The following PRKN variants were observed in gnomAD, a reference collection of about 807,000 sequenced individuals.
PRKN encodes E3 ubiquitin-protein ligase parkin.
Under a neutral mutation model 59.5 loss-of-function variants are expected in PRKN, and 56 were observed. The observed-to-expected ratio is 0.94, with a 90% CI of 0.76 to 1.18. PRKN has a LOEUF of 1.18. Ranked by LOEUF, PRKN falls within the 50% of genes most tolerant of loss-of-function variation. The probability of loss-of-function intolerance (pLI) is 0.00; values close to 1 mark genes in which losing one functional copy is unlikely to be tolerated. For missense variants in PRKN, 657 were observed against 596.4 expected (o/e 1.10, Z -1.06); for synonymous variants, 250 against 222.1 (o/e 1.13, Z -1.12).
intron 9 of PRKN, among the ~76,000 whole-genome samples, chr6:161,411,543 C>A (rs1201403780): frequency 6.6e-6 from 1 of 152,126 alleles, no homozygotes; most frequent in Non-Finnish European, 1.5e-5. Context: ...GGGGCCATGG[C>A]GACAGGGATG....
intron 4 of PRKN, among the ~76,000 whole-genome samples, chr6:162,150,489 G>A (rs993217430): frequency 6.6e-6 from 1 of 152,156 alleles, no homozygotes; most frequent in Non-Finnish European, 1.5e-5. Flanking sequence ...GGCAGGATTC[G>A]TCTCAGGTGA....
rs57551959 is a variant in PRKN at position 161,554,403 on chromosome 6, T to TACAC, written c.934-5404_934-5401dup. 0.58 allele frequency among the ~76,000 whole-genome samples: 84,343 copies of TACAC among 146,662 alleles called. 24,339 individuals are homozygous for TACAC. Among genetic ancestry groups the TACAC allele is most frequent in the Admixed American group, 0.67 (9,733 of 14,602 alleles). Reference sequence around the variant, plus strand: ...TAACCTTCATGTTATCTTACTTCTATACACACACACACACACACACACACA... The same window carrying TACAC: ...TAACCTTCATGTTATCTTACTTCTATACACACACACACACACACACACACACACA... On this transcript the variant is annotated intron_variant, in intron 8 of 11. Coordinates refer to ENST00000366898, the MANE Select transcript of PRKN (RefSeq NM_004562.3). The surrounding 1 kb of genome is among the most constrained non-coding windows in gnomAD (Gnocchi z 4.5).
intron 1 of PRKN, among the ~76,000 whole-genome samples, chr6:162,498,207 G>A (rs1300993398): frequency 6.6e-6 from 1 of 151,864 alleles, no homozygotes; most frequent in Non-Finnish European, 1.5e-5. Flanking sequence ...ACTCTACCTG[G>A]TGTTCAGTCT....
At chr6:162,305,633 T>G (rs767757722) in intron 2 of PRKN, among the ~76,000 whole-genome samples, 123 of 152,222 alleles carry the variant, frequency 8.1e-4, no homozygotes, top group Non-Finnish European at 1.2e-3. Context: ...AAGAAAAATG[T>G]TTTGGTTTTT....
intron 3 of PRKN, among the ~76,000 whole-genome samples, chr6:162,232,869 A>G (rs1183618758): frequency 6.6e-6 from 1 of 152,202 alleles, no homozygotes; most frequent in Non-Finnish European, 1.5e-5. Flanking sequence ...TAATTAATAC[A>G]GATTGGAGAA....
intron 4 of PRKN, among the ~76,000 whole-genome samples, chr6:162,133,306 C>T (rs904685731): frequency 2.6e-5 from 4 of 152,126 alleles, no homozygotes; most frequent in African/African-American, 7.2e-5. Flanking sequence ...CTGGAGGTAG[C>T]GTCAGCAACG....
intron 6 of PRKN, among the ~76,000 whole-genome samples, chr6:161,826,398 T>C (rs1228062372): frequency 6.6e-6 from 1 of 152,220 alleles, no homozygotes; most frequent in Non-Finnish European, 1.5e-5. Flanking sequence ...CAAAATACAA[T>C]ACATGCATCT....
chr6:162,563,354 G>C (rs1281487003), intron 1 of PRKN, among the ~76,000 whole-genome samples: 1 of 151,628 alleles, frequency 6.6e-6, no homozygotes, highest in Non-Finnish European at 1.5e-5. Context: ...AGCAAGAGAA[G>C]AGAACAAGAC....
chr6:161,375,247 G>A (rs976246007), intron 10 of PRKN, among the ~76,000 whole-genome samples: 2 of 152,202 alleles, frequency 1.3e-5, no homozygotes, highest in African/African-American at 4.8e-5. Flanking sequence ...AGGGAAGTGC[G>A]TTGCAGAGCC....
At chr6:161,605,279 A>G (rs1782236769) in intron 7 of PRKN, among the ~76,000 whole-genome samples, 1 of 152,190 alleles carries the variant, frequency 6.6e-6, no homozygotes. Flanking sequence ...TTGTGAGAAA[A>G]CATATATACA....
At chr6:162,571,726 A>C (rs965785106) in intron 1 of PRKN, among the ~76,000 whole-genome samples, 4 of 152,150 alleles carry the variant, frequency 2.6e-5, no homozygotes, top group African/African-American at 9.7e-5. Flanking sequence ...CTTCAGGGAG[A>C]AGCCTGGCAT....
At chr6:162,263,996 G>A (rs926631552) in intron 2 of PRKN, among the ~76,000 whole-genome samples, 3 of 151,916 alleles carry the variant, frequency 2.0e-5, no homozygotes, top group Admixed American at 6.6e-5. Flanking sequence ...CGATGTGGCC[G>A]GCCGCAGTGG....
chr6:161,892,145 A>T (rs113153781), intron 6 of PRKN, among the ~76,000 whole-genome samples: 1,783 of 152,262 alleles, frequency 0.012, 44 homozygotes, highest in African/African-American at 0.041. Flanking sequence ...ATATTCTTAA[A>T]ATAATGGGCT....
chr6:161,437,800 A>T (rs1355794735), intron 9 of PRKN, among the ~76,000 whole-genome samples: 5 of 152,368 alleles, frequency 3.3e-5, no homozygotes, highest in Admixed American at 6.5e-5. Context: ...AGTCTGTGAC[A>T]TGCAGAAAAT....
At chr6:162,651,178 A>C (rs1208580571) in intron 1 of PRKN, among the ~76,000 whole-genome samples, 1 of 152,112 alleles carries the variant, frequency 6.6e-6, no homozygotes, top group African/African-American at 2.4e-5. Context: ...TTTCCTTCTG[A>C]TTATAAATGT....
intron 1 of PRKN, among the ~76,000 whole-genome samples, chr6:162,539,799 G>A (rs1446169019): frequency 6.6e-6 from 1 of 152,156 alleles, no homozygotes; most frequent in Non-Finnish European, 1.5e-5. Flanking sequence ...AAATTAAACA[G>A]TGAAAGATTA....
chr6:162,584,014 C>T (rs1780896637), intron 1 of PRKN, among the ~76,000 whole-genome samples: 1 of 151,924 alleles, frequency 6.6e-6, no homozygotes, highest in Non-Finnish European at 1.5e-5. Flanking sequence ...GAGATCAAGA[C>T]CATCCTGGCT....
chr6:161,995,597 G>T (rs573653372), intron 5 of PRKN, among the ~76,000 whole-genome samples: 1 of 152,018 alleles, frequency 6.6e-6, no homozygotes, highest in African/African-American at 2.4e-5. Context: ...GTGAGCAAAA[G>T]GTTAGAATGG....
chr6:162,445,117 A>G (rs1278201220), intron 1 of PRKN, among the ~76,000 whole-genome samples: 1 of 152,158 alleles, frequency 6.6e-6, no homozygotes, highest in African/African-American at 2.4e-5. Flanking sequence ...ACCTCATCAT[A>G]ATTATAATAA....
Sources: allele counts gnomAD v4.1 joint callset (sites outside exome capture counted in the v4.1 genomes callset), GRCh38; gene constraint gnomAD v4.1.1; non-coding constraint Gnocchi (gnomAD v3.1); transcripts MANE v1.5; gene names NCBI Gene and HGNC (gene_info 2026-07-23, HGNC 2026-07-21).